Variants in COL6A5 observed in about 807,000 individuals in gnomAD.
The protein encoded by COL6A5 is collagen type VI alpha 5 chain.
Under a neutral mutation model 65.6 loss-of-function variants are expected in COL6A5, and 48 were observed. That is an observed-to-expected ratio of 0.73 (90% CI 0.58 to 0.93). The LOEUF is 0.93. Ranked by LOEUF, COL6A5 falls within the 40% of genes least tolerant of loss-of-function variation. The probability of loss-of-function intolerance (pLI) is 0.00; values close to 1 mark genes in which losing one functional copy is unlikely to be tolerated. For missense variants in COL6A5, 914 were observed against 928.3 expected (o/e 0.98, Z 0.20); for synonymous variants, 291 against 322.8 (o/e 0.90, Z 1.05).
intron 8 of COL6A5, 57 bp from the exon 9 acceptor site, chr3:130,397,526 T>C: frequency 7.3e-7 from 1 of 1,369,610 alleles, no homozygotes; most frequent in Non-Finnish European, 9.9e-7. Context: ...TTCTGCCGTC[T>C]CTCCTTCCTT....
At chr3:130,453,588 T>C (rs570108799) in intron 4 of COL6A5, among the ~76,000 whole-genome samples, 2 of 152,210 alleles carry the variant, frequency 1.3e-5, no homozygotes, top group Non-Finnish European at 2.9e-5. Flanking sequence ...ATAGTGTTCC[T>C]TGATATTGTA....
intron 13 of COL6A5, 46 bp downstream of exon 13, chr3:130,403,708 TACACACAC>T (rs71158192): frequency 2.2e-4 from 267 of 1,213,890 alleles, no homozygotes; most frequent in South Asian, 3.7e-4. Flanking sequence ...ACACACACTG[TACACACAC>T]ACACACACAC....
chr3:130,418,374 C>T (rs982742283), intron 24 of COL6A5, among the ~76,000 whole-genome samples: 2 of 152,186 alleles, frequency 1.3e-5, no homozygotes, highest in East Asian at 3.9e-4. Context: ...CCTCAGCTTC[C>T]CTGCTCCTTT....
intron 5 of COL6A5, among the ~76,000 whole-genome samples, chr3:130,386,941 G>T (rs1361997740): frequency 6.6e-6 from 1 of 152,074 alleles, no homozygotes; most frequent in Non-Finnish European, 1.5e-5. Context: ...CAGTGTATTA[G>T]TAGGGTACAG....
intron 5 of COL6A5, among the ~76,000 whole-genome samples, chr3:130,456,958 A>G (rs1161135528): frequency 6.6e-6 from 1 of 152,148 alleles, no homozygotes; most frequent in Non-Finnish European, 1.5e-5. Flanking sequence ...GACAATCATT[A>G]GTTGAAAAAT....
intron 4 of COL6A5, among the ~76,000 whole-genome samples, chr3:130,444,938 A>C (rs981877689): frequency 6.6e-6 from 1 of 152,234 alleles, no homozygotes; most frequent in Non-Finnish European, 1.5e-5. Flanking sequence ...GGGGTGATAC[A>C]GAAATCCGAA....
intron 1 of COL6A5, among the ~76,000 whole-genome samples, chr3:130,432,500 G>A (rs371862364): frequency 1.9e-4 from 29 of 148,826 alleles, no homozygotes; most frequent in African/African-American, 7.0e-4. Context: ...GTGGTGAGCC[G>A]AAATGGCGCC....
At chr3:130,408,516 T>C (rs912439757) in intron 17 of COL6A5, among the ~76,000 whole-genome samples, 2 of 152,198 alleles carry the variant, frequency 1.3e-5, no homozygotes, top group Non-Finnish European at 2.9e-5. Flanking sequence ...CCTTCATCAG[T>C]AATTCTAGTT....
At chr3:130,450,741 C>T (rs1709412638) in intron 4 of COL6A5, among the ~76,000 whole-genome samples, 1 of 152,094 alleles carries the variant, frequency 6.6e-6, no homozygotes, top group South Asian at 2.1e-4. Context: ...TCAGAGTGAC[C>T]TTGTTTAACC....
intron 5 of COL6A5, among the ~76,000 whole-genome samples, chr3:130,466,130 C>T (rs1377733677): frequency 6.6e-6 from 1 of 152,018 alleles, no homozygotes; most frequent in Admixed American, 6.6e-5. Context: ...CTTGACCTAA[C>T]TGACATTTGT....
At chr3:130,389,957 C>T (rs1936335388) in intron 6 of COL6A5, among the ~76,000 whole-genome samples, 1 of 152,136 alleles carries the variant, frequency 6.6e-6, no homozygotes. Flanking sequence ...TAGAGATTTT[C>T]ATTGGACTTT....
intron 29 of COL6A5, among the ~76,000 whole-genome samples, chr3:130,425,642 C>T (rs1937588511): frequency 6.6e-6 from 1 of 152,174 alleles, no homozygotes; most frequent in African/African-American, 2.4e-5. Context: ...GCTCCATAAT[C>T]TCTTGGCATT....
intron 3 of COL6A5, among the ~76,000 whole-genome samples, 181 bp downstream of exon 3, chr3:130,377,017 C>G (rs1321300634): frequency 6.6e-6 from 1 of 152,136 alleles, no homozygotes; most frequent in Non-Finnish European, 1.5e-5. Context: ...GACAAGAGCT[C>G]TATCTTATTG....
intron 3 of COL6A5, among the ~76,000 whole-genome samples, chr3:130,378,964 C>A (rs575123682): frequency 6.6e-6 from 1 of 152,160 alleles, no homozygotes; most frequent in Non-Finnish European, 1.5e-5. Context: ...TCTGCTAACT[C>A]ATCCCTGCAT....
exon 5 of COL6A5, chr3:130,385,000 T>G: frequency 6.4e-7 from 1 of 1,550,814 alleles, no homozygotes; most frequent in African/African-American, 1.4e-5. Flanking sequence ...TCACTGACTA[T>G]TCTAATGATA....
intron 4 of COL6A5, among the ~76,000 whole-genome samples, chr3:130,448,413 C>G (rs1458470534): frequency 6.6e-6 from 1 of 152,098 alleles, no homozygotes; most frequent in East Asian, 1.9e-4. Context: ...GGTCGGAATG[C>G]CTAAATTAGG....
chr3:130,439,439 T>C (rs975377630), intron 1 of COL6A5, 83 bp from the exon 34 acceptor site: 2 of 983,998 alleles, frequency 2.0e-6, no homozygotes, highest in Non-Finnish European at 3.1e-6. Flanking sequence ...AGTTGGGTGT[T>C]TTTTAAACTA....
chr3:130,440,268 A>G (rs747265068), exon 3 of COL6A5: 1 of 1,613,328 alleles, frequency 6.2e-7, no homozygotes, highest in South Asian at 1.1e-5. Flanking sequence ...ATAGCAAAGG[A>G]TGAGTTTAAG....
At chr3:130,427,532 G>C (rs75540781), upstream of COL6A5, among the ~76,000 whole-genome samples, 762 of 152,202 alleles carry the variant, frequency 5.0e-3, 8 homozygotes, top group African/African-American at 0.016. Context: ...CAATTGGTTG[G>C]AGAAGATGAT....
Sources: allele counts gnomAD v4.1 joint callset (sites outside exome capture counted in the v4.1 genomes callset), GRCh38; gene constraint gnomAD v4.1.1; transcripts MANE v1.5; gene names NCBI Gene and HGNC (gene_info 2026-07-23, HGNC 2026-07-21).